EXOSC10: variants seen among roughly 807,000 people sequenced by gnomAD.
EXOSC10 encodes exosome component 10.
EXOSC10 carries 94 observed loss-of-function variants against 126.6 expected under a neutral mutation model. That is an observed-to-expected ratio of 0.74 (90% CI 0.63 to 0.88). EXOSC10 has a LOEUF of 0.88. Ranked by LOEUF, EXOSC10 falls within the 40% of genes least tolerant of loss-of-function variation. EXOSC10 has a pLI of 0.00. For synonymous variants in EXOSC10, 395 were observed against 400.8 expected, an observed-to-expected ratio of 0.99 and a Z score of 0.17; for missense variants, 1,041 against 1,100.5, an observed-to-expected ratio of 0.95 and a Z score of 0.77.
At chr1:11,072,258 G>A (rs1639552370) in intron 19 of EXOSC10, 87 bp from the exon 20 acceptor site, 2 of 914,898 alleles carry the variant, frequency 2.2e-6, no homozygotes, top group African/African-American at 1.6e-5. Flanking sequence ...ACGAAGGGCA[G>A]GTTAACCTAA....
chr1:11,085,214 T>G (rs1014397874), intron 9 of EXOSC10, among the ~76,000 whole-genome samples: 17 of 152,218 alleles, frequency 1.1e-4, no homozygotes, highest in Admixed American at 1.1e-3. Flanking sequence ...CAAATTACCT[T>G]GGACAGTATG....
chr1:11,082,800 G>A lies in EXOSC10; in HGVS notation c.1168C>T (p.His390Tyr). The A allele has an allele frequency of 6.2e-7, 1 of 1,614,180 alleles. No individual in the cohort carries two copies. Among genetic ancestry groups the A allele is most frequent in the South Asian group, 1.1e-5 (1 of 91,060 alleles). ...AGGTTAAGAAGGCGTGCTGCCTGAT[G>A]AGTATCAAACATGTTTACTACATAC... ...GLYVVNMFDT[H>Y]QAARLLNLGR... Residue 390 changes from histidine to tyrosine, a missense_variant, in exon 10 of 25, where the codon CAT (histidine) becomes TAT (tyrosine). By Grantham distance (83) the His-to-Tyr change is moderately conservative. Around this residue, in one of 3 missense-constraint regions of EXOSC10, gnomAD observed 645 missense variants for 656.3 expected, o/e 0.98. Transcript: ENST00000376936.
chr1:11,082,173 C>T (rs1443302843), intron 10 of EXOSC10, among the ~76,000 whole-genome samples: 1 of 152,048 alleles, frequency 6.6e-6, no homozygotes, highest in Non-Finnish European at 1.5e-5. Context: ...GGTGCAACCT[C>T]GGAGAGGTAG....
Position 11,099,792 on chromosome 1 carries a change from C to T in EXOSC10, c.40G>A (p.Ala14Thr). 1.9e-6 allele frequency: 3 copies of T among 1,611,904 alleles called. No homozygotes were observed. Among genetic ancestry groups the T allele is most frequent in the Non-Finnish European group, 2.5e-6 (3 of 1,178,990 alleles). ...PSTREPRVLS[A>T]TSATKSDGEM... Reference sequence around the variant, plus strand: ...CCGTCGGATTTGGTTGCGCTGGTCGCCGACAGGACCCTGGGCTCCCGGGTA... The same window carrying T: ...CCGTCGGATTTGGTTGCGCTGGTCGTCGACAGGACCCTGGGCTCCCGGGTA... Residue 14 changes from alanine to threonine, a missense_variant, in exon 1 of 25, where the codon GCG becomes ACG. Transcript: ENST00000376936.
chr1:11,072,219 CCT>C, intron 19 of EXOSC10, 48 bp from the exon 20 acceptor site: 1 of 1,430,360 alleles, frequency 7.0e-7, no homozygotes, highest in Non-Finnish European at 9.8e-7. Context: ...AAGTCAGCCA[CCT>C]AAGTCTGTCT....
Position 11,068,684 on chromosome 1 carries a change from A to G in EXOSC10, c.2511T>C (p.Ser837=). The G allele has an allele frequency of 6.2e-7, 1 of 1,614,218 alleles. No homozygotes were observed. The highest frequency in any genetic ancestry group is 8.5e-7 in the Non-Finnish European group (1 of 1,180,020). The stretch of plus-strand genomic sequence containing the variant: ...TCTGTTTATTTGGATCAAACTGAGA[A>G]GAAACTTTGGATTTGCTGTTTCCTG... ...AFAGNSKSKV[S]SQFDPNKQTP... is the part of the protein sequence containing the mutation. Residue 837 remains serine, a synonymous_variant, in exon 23 of 25, where the codon TCT becomes TCC. Coordinates refer to ENST00000376936, the MANE Select transcript of EXOSC10 (RefSeq NM_001001998.3).
intron 24 of EXOSC10, among the ~76,000 whole-genome samples, chr1:11,067,158 G>A (rs947415847): frequency 2.0e-5 from 3 of 152,282 alleles, no homozygotes; most frequent in Admixed American, 1.3e-4. Flanking sequence ...CAGGCCGGGC[G>A]CGGTGGCTCA....
Position 11,087,526 on chromosome 1 carries a change from G to A in EXOSC10, c.1011C>T (p.Asp337=). 6.2e-7 allele frequency: 1 copy of A among 1,614,104 alleles called. No homozygotes were observed. The highest frequency in any genetic ancestry group is 1.6e-4 in the Middle Eastern group (1 of 6,062). The change falls in exon 9 of 25, where the codon GAC becomes GAT. Residue 337 remains aspartate (D), a synonymous_variant. Coordinates refer to ENST00000376936, the MANE Select transcript of EXOSC10 (RefSeq NM_001001998.3). ...CLMQISTRTE[D]FIIDTLELRS... is the part of the protein sequence containing the mutation. ...GAAGCTCGAGGGTGTCAATGATGAAGTCTTCCGTCCGAGTAGAAATTTGCA... is the reference window on the plus strand; with the variant it reads ...GAAGCTCGAGGGTGTCAATGATGAAATCTTCCGTCCGAGTAGAAATTTGCA...
Position 11,069,651 on chromosome 1 carries a change from A to G in EXOSC10, c.2396T>C (p.Leu799Pro). The G allele has an allele frequency of 1.9e-6, 3 of 1,614,080 alleles. No homozygotes were observed. In the East Asian group the frequency reaches 6.7e-5, roughly 36 times the overall value. Residue 799 changes from leucine to proline, a missense_variant, in exon 22 of 25, where the codon CTC becomes CCC. Transcript: ENST00000376936. ...GTCCTTTGGCTTCTTGGAAATTTTG[A>G]GTCGTTTCTTCTCTTGTTTCTGTTC... is the stretch of plus-strand genomic sequence containing the variant. ...TTEQKQEKKR[L>P]KISKKPKDPE...
intron 10 of EXOSC10, chr1:11,082,438 G>C (rs1236912150): frequency 1.2e-6 from 1 of 835,892 alleles, no homozygotes; most frequent in Non-Finnish European, 1.7e-6. Flanking sequence ...GCAAATACTG[G>C]TGCGGCACCT....
chr1:11,090,728 CA>C, intron 5 of EXOSC10, 60 bp from the exon 6 acceptor site: 5 of 1,260,704 alleles, frequency 4.0e-6, no homozygotes, highest in Non-Finnish European at 5.6e-6. Flanking sequence ...TCTAATTACA[CA>C]GGGGTAAACT....
intron 24 of EXOSC10, among the ~76,000 whole-genome samples, chr1:11,067,311 G>A (rs978852765): frequency 1.2e-4 from 19 of 152,104 alleles, no homozygotes; most frequent in Admixed American, 2.0e-4. Flanking sequence ...GGGCGCCTGT[G>A]GTCCCAGCTA....
At chr1:11,069,244 T>TGTGTGTGTGTGAGAGAGAGAGAGA in intron 22 of EXOSC10, among the ~76,000 whole-genome samples, 1 of 116,826 alleles carries the variant, frequency 8.6e-6, no homozygotes, top group East Asian at 2.6e-4. Flanking sequence ...TGTGTGTGTG[T>TGTGTGTGTGTGAGAGAGAGAGAGA]GAGAGAGAGA....
intron 23 of EXOSC10, 130 bp downstream of exon 23, chr1:11,068,515 G>T: frequency 2.7e-6 from 2 of 740,140 alleles, no homozygotes; most frequent in East Asian, 2.5e-5. Flanking sequence ...GTCTGCCCTT[G>T]GGAAGAAATG....
rs892723789 is a variant in EXOSC10, at chr1:11,086,944, G to C, written c.1089+504C>G. ...CAAGAGCAAACACATTCAAAAGCTA[G>C]CAGAAGGCAAGAAATAACTAAAATC... On this transcript the variant is annotated intron_variant, in intron 9 of 24. Coordinates refer to ENST00000376936, the MANE Select transcript of EXOSC10 (RefSeq NM_001001998.3). Among the ~76,000 whole-genome samples, 8 of 152,256 alleles carry C rather than the reference G, an allele frequency of 5.3e-5. No individual in the cohort carries two copies. In the South Asian group the frequency reaches 1.0e-3, roughly 20 times the overall value.
At position 11,068,010 on chromosome 1, in the gene EXOSC10, G is replaced by C. The variant is rs1249831171; in HGVS notation, c.2625C>G (p.Asp875Glu). 3 of 1,614,024 alleles carry C rather than the reference G, an allele frequency of 1.9e-6. No homozygotes were observed. Among genetic ancestry groups the C allele is most frequent in the South Asian group, 2.2e-5 (2 of 91,080 alleles). Residue 875 changes from aspartate to glutamate, a missense_variant and splice_region_variant, in exon 24 of 25, where the codon GAC (aspartate) becomes GAG (glutamate). Physicochemically the swap from Asp to Glu is conservative, Grantham distance 45. Coordinates refer to ENST00000376936, the MANE Select transcript of EXOSC10 (RefSeq NM_001001998.3). Reference sequence around the variant, plus strand: ...CCACACCGCCGTCCACCACATACCTGTCTGACTTTCCAGTTGGAAAGGACA... The same window carrying C: ...CCACACCGCCGTCCACCACATACCTCTCTGACTTTCCAGTTGGAAAGGACA... ...KSMSFPTGKS[D>E]RGFRYNWPQR is the part of the protein sequence containing the mutation.
Position 11,077,388 on chromosome 1 carries a change from C to A in EXOSC10, c.1856G>T (p.Gly619Val), listed in dbSNP as rs1264358180. 6.2e-7 allele frequency: 1 copy of A among 1,612,052 alleles called. No individual in the cohort carries two copies. Among genetic ancestry groups the A allele is most frequent in the Non-Finnish European group, 8.5e-7 (1 of 1,178,450 alleles). The change falls in exon 16 of 25, where the codon GGC (glycine) becomes GTC (valine). Residue 619 changes from glycine to valine, a missense_variant. Transcript: ENST00000376936. ...PHDCSHAPPDGYPIIPTSGSV... is the reference protein window; with the variant it reads ...PHDCSHAPPDVYPIIPTSGSV... ...ACCACTGGTTGGGATGATTGGATAG[C>A]CATCCGGAGGGGCATGGGAGCAGTC...
intron 6 of EXOSC10, 52 bp from the exon 7 acceptor site, chr1:11,088,250 A>C: frequency 7.2e-7 from 1 of 1,389,706 alleles, no homozygotes; most frequent in South Asian, 1.2e-5. Context: ...CCATGATTCA[A>C]GGGAAAAATA....
chr1:11,098,097 G>A lies in EXOSC10; in HGVS notation c.171C>T (p.Gly57=), dbSNP rs748869382. 42 of 1,612,810 alleles carry A rather than the reference G, an allele frequency of 2.6e-5. No individual in the cohort carries two copies. The highest frequency in any genetic ancestry group is 5.0e-5 in the Admixed American group (3 of 59,756). Residue 57 remains glycine, a synonymous_variant, in exon 2 of 25, where the codon GGC becomes GGT. Transcript: ENST00000376936. ...AACTTCGGTAAAAATCATACTCATC[G>A]CCAAACTGTGGTAGGCCCCCAGATG... The part of the protein sequence containing the change: ...TKASGGLPQF[G]DEYDFYRSFP...
Sources: allele counts gnomAD v4.1 joint callset (sites outside exome capture counted in the v4.1 genomes callset), GRCh38; gene constraint gnomAD v4.1.1; regional missense constraint gnomAD v4.1.1; transcripts MANE v1.5; gene names NCBI Gene and HGNC (gene_info 2026-07-23, HGNC 2026-07-21).